DACH2: variants seen among roughly 807,000 people sequenced by gnomAD.
DACH2 encodes dachshund homolog 2.
In DACH2, 17 loss-of-function variants were observed where a neutral mutation model predicts 35.8. That is an observed-to-expected ratio of 0.48 (90% CI 0.33 to 0.71). DACH2 has a LOEUF of 0.71. Ranked by LOEUF, DACH2 falls within the 30% of genes least tolerant of loss-of-function variation. DACH2 has a pLI of 0.02. For synonymous variants in DACH2, 195 were observed against 177.3 expected (o/e 1.10, Z -0.79); for missense variants, 469 against 472.7 (o/e 0.99, Z 0.07).
At chrX:86,212,953 A>G (rs2032481326) in intron 1 of DACH2, among the ~76,000 whole-genome samples, 1 of 111,505 alleles carries the variant, frequency 9.0e-6, no homozygotes, top group South Asian at 3.7e-4. Flanking sequence ...AATAAATTTC[A>G]TTTATCTGAC....
intron 5 of DACH2, among the ~76,000 whole-genome samples, chrX:86,699,288 A>G (rs974554420): frequency 4.4e-5 from 5 of 112,454 alleles, no homozygotes; most frequent in African/African-American, 1.6e-4. Context: ...ACATTTTCTA[A>G]GATAGACCAT....
chrX:86,441,411 C>T (rs1407093633), intron 2 of DACH2, among the ~76,000 whole-genome samples: 3 of 110,200 alleles, frequency 2.7e-5, no homozygotes, highest in East Asian at 2.9e-4. Flanking sequence ...ACATAATGAG[C>T]GCCAGGTTCA....
chrX:86,438,299 C>A (rs1264884730), intron 2 of DACH2, among the ~76,000 whole-genome samples: 1 of 103,610 alleles, frequency 9.7e-6, no homozygotes, highest in Non-Finnish European at 2.0e-5. Context: ...TCTTGGCTCA[C>A]TTCAACCTCC....
chrX:86,330,649 A>G (rs1247158012), intron 1 of DACH2, among the ~76,000 whole-genome samples: 2 of 112,086 alleles, frequency 1.8e-5, no homozygotes, highest in Non-Finnish European at 3.8e-5. Context: ...ATGGTAGTAT[A>G]TAATTAAATG....
chrX:86,276,938 A>G (rs1351767129), intron 1 of DACH2, among the ~76,000 whole-genome samples: 1 of 111,604 alleles, frequency 9.0e-6, no homozygotes, highest in Admixed American at 9.5e-5. Flanking sequence ...ATAGCTTTGT[A>G]GTATAAAATT....
At chrX:86,611,816 G>A (rs1478081751) in intron 3 of DACH2, among the ~76,000 whole-genome samples, 2 of 111,342 alleles carry the variant, frequency 1.8e-5, no homozygotes, top group Non-Finnish European at 3.8e-5. Context: ...TGGTGTCAGT[G>A]ATTAAAAACT....
chrX:86,325,853 A>C, intron 1 of DACH2, among the ~76,000 whole-genome samples: 1 of 111,937 alleles, frequency 8.9e-6, no homozygotes, highest in Non-Finnish European at 1.9e-5. Flanking sequence ...TGGAGTAGAT[A>C]GATATGGGTT....
chrX:86,633,100 A>C (rs889530841), intron 3 of DACH2, among the ~76,000 whole-genome samples: 5 of 111,206 alleles, frequency 4.5e-5, no homozygotes, highest in African/African-American at 1.6e-4. Context: ...AAAACAAACA[A>C]AAACAGAGAT....
At chrX:86,156,092 CTG>C (rs1442346641) in intron 1 of DACH2, among the ~76,000 whole-genome samples, 2 of 111,005 alleles carry the variant, frequency 1.8e-5, no homozygotes, top group East Asian at 5.6e-4. Flanking sequence ...TATACTGAGA[CTG>C]TGAATTTAAG....
At chrX:86,200,966 T>C (rs1198663673) in intron 1 of DACH2, among the ~76,000 whole-genome samples, 1 of 111,366 alleles carries the variant, frequency 9.0e-6, no homozygotes, top group Non-Finnish European at 1.9e-5. Flanking sequence ...AATCATTCTG[T>C]AATAAAGACC....
intron 1 of DACH2, among the ~76,000 whole-genome samples, chrX:86,240,889 C>T (rs904793793): frequency 3.6e-5 from 4 of 111,423 alleles, no homozygotes; most frequent in African/African-American, 9.8e-5. Context: ...CATGGTAAGA[C>T]GTACATGCTT....
chrX:86,160,239 C>T lies in DACH2; in HGVS notation c.488+11131C>T. On this transcript the variant is annotated intron_variant, in intron 1 of 11. Coordinates refer to ENST00000373125, the MANE Select transcript of DACH2 (RefSeq NM_053281.3). ...GGTATTAGGGATAATATTCATTTAG[C>T]CTTCTGAGCTTTCTGGGCAGACTTG... is the stretch of plus-strand genomic sequence containing the variant. 2.5e-6 allele frequency: 3 copies of T among 1,194,605 alleles called. No individual in the cohort carries two copies. The South Asian group carries it at 5.4e-5, about 21-fold the overall frequency.
intron 1 of DACH2, among the ~76,000 whole-genome samples, chrX:86,172,285 T>C (rs1247960166): frequency 1.8e-5 from 2 of 112,351 alleles, no homozygotes; most frequent in Non-Finnish European, 3.8e-5. Flanking sequence ...AATAAATGGC[T>C]GATTACAACA....
intron 3 of DACH2, among the ~76,000 whole-genome samples, chrX:86,609,672 G>A (rs955321704): frequency 8.9e-6 from 1 of 111,751 alleles, no homozygotes; most frequent in Non-Finnish European, 1.9e-5. Context: ...GCTTTAATGG[G>A]AACCTCAAGC....
chrX:86,340,447 G>A (rs915745252), intron 1 of DACH2, among the ~76,000 whole-genome samples: 1 of 111,174 alleles, frequency 9.0e-6, no homozygotes, highest in African/African-American at 3.3e-5. Flanking sequence ...AAATGTCTGC[G>A]TGTTCTCATC....
At chrX:86,246,045 T>C (rs746205464) in intron 1 of DACH2, among the ~76,000 whole-genome samples, 1 of 111,150 alleles carries the variant, frequency 9.0e-6, no homozygotes, top group Non-Finnish European at 1.9e-5. Context: ...AGCAACAGAA[T>C]ACACCAAGCC....
At chrX:86,584,480 C>G in intron 3 of DACH2, among the ~76,000 whole-genome samples, 1 of 110,236 alleles carries the variant, frequency 9.1e-6, no homozygotes, top group Non-Finnish European at 1.9e-5. Flanking sequence ...TAATATGATC[C>G]TTCATTCTGC....
chrX:86,164,192 T>C (rs959608164), intron 1 of DACH2, among the ~76,000 whole-genome samples: 9 of 111,924 alleles, frequency 8.0e-5, no homozygotes, highest in African/African-American at 2.9e-4. Context: ...ATCAGTGATA[T>C]TGAGCTTTTT....
At chrX:86,671,691 T>C (rs967755492) in intron 4 of DACH2, among the ~76,000 whole-genome samples, 2 of 112,052 alleles carry the variant, frequency 1.8e-5, no homozygotes, top group African/African-American at 6.5e-5. Context: ...AGTTATTTTC[T>C]TTATAAATTA....
Sources: allele counts gnomAD v4.1 joint callset (sites outside exome capture counted in the v4.1 genomes callset), GRCh38; gene constraint gnomAD v4.1.1; transcripts MANE v1.5; gene names NCBI Gene and HGNC (gene_info 2026-07-23, HGNC 2026-07-21).